MYO1H: variants seen among roughly 807,000 people sequenced by gnomAD.
MYO1H encodes the protein myosin IH, also known as unconventional myosin-Ih.
MYO1H carries 118 observed loss-of-function variants against 149.3 expected under a neutral mutation model. The observed-to-expected ratio is 0.79, with a 90% CI of 0.68 to 0.92. The LOEUF (loss-of-function observed/expected upper bound fraction) is 0.92, where lower values mean the gene tolerates loss of function less well. Among genes scored for constraint, MYO1H ranks in the 40% least tolerant of loss-of-function variants. The pLI is 0.00. For synonymous variants in MYO1H, 447 were observed against 465.2 expected (o/e 0.96, Z 0.50); for missense variants, 1,212 against 1,280.7 (o/e 0.95, Z 0.82).
intron 10 of MYO1H, among the ~76,000 whole-genome samples, chr12:109,409,211 T>C (rs1000924429): frequency 1.5e-5 from 2 of 135,930 alleles, no homozygotes; most frequent in Non-Finnish European, 3.3e-5. Context: ...CTCCTTCTTC[T>C]TCTCCTTCTT....
chr12:109,322,874 C>G, the MYO1H span, among the ~76,000 whole-genome samples: 146 of 150,000 alleles, frequency 9.7e-4, 1 homozygote, highest in African/African-American at 3.5e-3. Context: ...TTTAGGAGGC[C>G]GAGGCAGGCA....
the MYO1H span, among the ~76,000 whole-genome samples, chr12:109,333,675 G>A: frequency 1.8e-4 from 28 of 152,208 alleles, no homozygotes; most frequent in East Asian, 1.5e-3. Flanking sequence ...ACTTAGGATC[G>A]TCTGACTTTA....
the MYO1H span, among the ~76,000 whole-genome samples, chr12:109,320,455 C>CAA: frequency 0.053 from 3,365 of 63,248 alleles, 280 homozygotes; most frequent in Admixed American, 0.18. Context: ...ATTAAAAATA[C>CAA]AAAAAAAAAA....
upstream of MYO1H, among the ~76,000 whole-genome samples, chr12:109,347,401 A>C (rs11066357): frequency 0.026 from 3,969 of 152,212 alleles, 72 homozygotes; most frequent in Middle Eastern, 0.061. Context: ...CAGCATCTGA[A>C]AATAATAATA....
intron 27 of MYO1H, among the ~76,000 whole-genome samples, chr12:109,442,795 C>CTTTTTTTTTTTTTTT (rs747073389): frequency 2.1e-5 from 2 of 94,040 alleles, no homozygotes; most frequent in Non-Finnish European, 4.3e-5. Context: ...AGTGTCTGCT[C>CTTTTTTTTTTTTTTT]TTTTTTTTTT....
intron 15 of MYO1H, among the ~76,000 whole-genome samples, chr12:109,416,686 T>C (rs1219810391): frequency 3.3e-5 from 5 of 152,100 alleles, no homozygotes; most frequent in Non-Finnish European, 5.9e-5. Flanking sequence ...AATGGAATTA[T>C]TAGATTAGAT....
At chr12:109,436,722 G>A (rs1415156472) in intron 22 of MYO1H, among the ~76,000 whole-genome samples, 166 bp downstream of exon 22, 1 of 152,070 alleles carries the variant, frequency 6.6e-6, no homozygotes, top group Non-Finnish European at 1.5e-5. Flanking sequence ...ATTGATTGGA[G>A]ATTATAACAT....
At chr12:109,355,213 G>C (rs776913751) in intron 1 of MYO1H, among the ~76,000 whole-genome samples, 1 of 152,000 alleles carries the variant, frequency 6.6e-6, no homozygotes, top group Non-Finnish European at 1.5e-5. Context: ...TGTCTCTGGT[G>C]GTCTTCAATA....
At chr12:109,342,540 A>T in the MYO1H span, among the ~76,000 whole-genome samples, 11 of 98,098 alleles carry the variant, frequency 1.1e-4, no homozygotes, top group Admixed American at 3.6e-4. Context: ...TCTTCAGGAG[A>T]CTTTTTTTTT....
intron 6 of MYO1H, 97 bp downstream of exon 6, chr12:109,401,369 C>G (rs1181120171): frequency 7.9e-7 from 1 of 1,264,926 alleles, no homozygotes; most frequent in Middle Eastern, 2.8e-4. Context: ...CATTCTATTA[C>G]CATCCTGCTA....
chr12:109,365,003 G>A (rs1868838380), intron 1 of MYO1H, among the ~76,000 whole-genome samples: 1 of 152,196 alleles, frequency 6.6e-6, no homozygotes, highest in African/African-American at 2.4e-5. Context: ...GGGCGTGGTG[G>A]TTCACAACTA....
intron 18 of MYO1H, 90 bp downstream of exon 18, chr12:109,426,141 C>A: frequency 1.2e-6 from 1 of 833,276 alleles, no homozygotes; most frequent in East Asian, 2.6e-5. Context: ...TAAACACCAC[C>A]ACAAGCTTGC....
intron 5 of MYO1H, among the ~76,000 whole-genome samples, chr12:109,399,208 T>C (rs575758713): frequency 4.8e-4 from 73 of 152,284 alleles, no homozygotes; most frequent in Middle Eastern, 6.8e-3. Context: ...ACACATATAC[T>C]GAAAAGGCCG....
chr12:109,441,771 G>GT (rs1343276378), intron 26 of MYO1H, 63 bp downstream of exon 26: 9 of 1,209,026 alleles, frequency 7.4e-6, no homozygotes, highest in Non-Finnish European at 9.5e-6. Flanking sequence ...AAAGGGTGGG[G>GT]TGCGGTGGCT....
intron 4 of MYO1H, 22 bp downstream of exon 4, chr12:109,396,604 A>G (rs770495623): frequency 1.3e-6 from 2 of 1,589,630 alleles, no homozygotes; most frequent in Non-Finnish European, 8.6e-7. Flanking sequence ...CTGGGGACCA[A>G]TCGAAGGGAG....
chr12:109,447,128 G>A (rs769134744), intron 31 of MYO1H, 31 bp from the exon 32 acceptor site: 2 of 1,588,050 alleles, frequency 1.3e-6, no homozygotes, highest in Non-Finnish European at 1.7e-6. Context: ...AGCGGGGAAG[G>A]GCTGTAAACC....
intron 19 of MYO1H, among the ~76,000 whole-genome samples, chr12:109,428,303 G>A (rs7137190): frequency 1.6e-4 from 24 of 151,740 alleles, no homozygotes; most frequent in African/African-American, 5.1e-4. Flanking sequence ...GTGCCTTAGC[G>A]CAACGGGCTG....
chr12:109,395,201 T>C lies in MYO1H; in HGVS notation c.291-1183T>C, dbSNP rs144633326. Among the ~76,000 whole-genome samples the C allele has an allele frequency of 4.0e-4, 61 of 152,348 alleles. No individual in the cohort carries two copies. The East Asian group carries it at 0.011, about 26-fold the overall frequency. On this transcript the variant is annotated intron_variant, in intron 3 of 31. Coordinates refer to ENST00000310903, the Ensembl canonical transcript of MYO1H. ...ATAGTTTTACCTCTTGTCCTAAAGA[T>C]ATCACTGAAGTTTGTTAATCTCTTT...
At chr12:109,399,031 C>T (rs373057264) in intron 5 of MYO1H, among the ~76,000 whole-genome samples, 11 of 152,126 alleles carry the variant, frequency 7.2e-5, no homozygotes, top group Middle Eastern at 3.4e-3. Flanking sequence ...TAATTCCAAG[C>T]GGTAAAATGA....
Sources: gnomAD v4.1 joint callset for allele counts (sites outside exome capture counted in the v4.1 genomes callset) on GRCh38, gnomAD v4.1.1 for gene constraint, MANE v1.5 for transcripts, NCBI Gene and HGNC (gene_info 2026-07-23, HGNC 2026-07-21) for gene names.